AK5: variants seen among roughly 807,000 people sequenced by gnomAD.
The protein encoded by AK5 is adenylate kinase 5.
AK5 carries 27 observed loss-of-function variants against 69.5 expected under a neutral mutation model. That is an observed-to-expected ratio of 0.39 (90% CI 0.29 to 0.54). AK5 has a LOEUF of 0.54. Among genes scored for constraint, AK5 ranks in the 20% least tolerant of loss-of-function variants. The pLI is 0.71. For missense variants in AK5, 531 were observed against 700.4 expected, an observed-to-expected ratio of 0.76 and a Z score of 2.73; for synonymous variants, 260 against 244.4, an observed-to-expected ratio of 1.06 and a Z score of -0.60.
At chr1:77,515,261 A>T (rs1038731431) in intron 10 of AK5, among the ~76,000 whole-genome samples, 1 of 152,162 alleles carries the variant, frequency 6.6e-6, no homozygotes, top group Non-Finnish European at 1.5e-5. Context: ...GAAAACTCAG[A>T]CCTTTCCTGG....
intron 6 of AK5, among the ~76,000 whole-genome samples, chr1:77,389,855 G>A (rs1178955780): frequency 6.6e-6 from 1 of 152,058 alleles, no homozygotes; most frequent in Non-Finnish European, 1.5e-5. Flanking sequence ...CCAGATACTT[G>A]GGAGGCTAAG....
chr1:77,305,888 T>C (rs1332010830), intron 5 of AK5, among the ~76,000 whole-genome samples: 1 of 152,176 alleles, frequency 6.6e-6, no homozygotes, highest in Non-Finnish European at 1.5e-5. Context: ...AGAATGTCAT[T>C]GGTATTTTGT....
At chr1:77,532,780 G>A (rs1222077457) in intron 12 of AK5, among the ~76,000 whole-genome samples, 1 of 152,188 alleles carries the variant, frequency 6.6e-6, no homozygotes, top group Non-Finnish European at 1.5e-5. Flanking sequence ...GCTGGTGCCA[G>A]AGCCCCAGGG....
chr1:77,486,477 C>G, intron 10 of AK5, 125 bp downstream of exon 10: 1 of 573,706 alleles, frequency 1.7e-6, no homozygotes, highest in Non-Finnish European at 3.0e-6. Context: ...GGGCAGATCA[C>G]GAGGTCAGGA....
chr1:77,555,904 AAAG>A (rs1660073357), intron 13 of AK5, among the ~76,000 whole-genome samples: 1 of 152,250 alleles, frequency 6.6e-6, no homozygotes, highest in African/African-American at 2.4e-5. Flanking sequence ...GTTGAAAGGA[AAAG>A]AAGAAAGAAG....
chr1:77,356,722 T>C (rs1396611590), intron 6 of AK5, among the ~76,000 whole-genome samples: 1 of 152,218 alleles, frequency 6.6e-6, no homozygotes, highest in East Asian at 1.9e-4. Context: ...GCCTTGGTAC[T>C]GTCCAGAAGA....
intron 1 of AK5, among the ~76,000 whole-genome samples, chr1:77,286,331 C>A (rs1023670456): frequency 6.7e-6 from 1 of 149,990 alleles, no homozygotes; most frequent in Non-Finnish European, 1.5e-5. Flanking sequence ...CATTTTATCT[C>A]ACTGTGATGA....
intron 6 of AK5, among the ~76,000 whole-genome samples, chr1:77,366,157 G>A (rs1467202576): frequency 6.6e-6 from 1 of 152,110 alleles, no homozygotes; most frequent in Admixed American, 6.6e-5. Context: ...CAAGGGCTAG[G>A]TCTTCTATGC....
chr1:77,477,907 C>A (rs1370092454), intron 8 of AK5, among the ~76,000 whole-genome samples: 3 of 152,180 alleles, frequency 2.0e-5, no homozygotes, highest in African/African-American at 4.8e-5. Flanking sequence ...CCTATTACTT[C>A]TTTCTCCTTC....
chr1:77,520,495 A>G (rs1157557353), intron 11 of AK5, among the ~76,000 whole-genome samples: 1 of 151,918 alleles, frequency 6.6e-6, no homozygotes, highest in East Asian at 1.9e-4. Context: ...GCTCACTCCC[A>G]CCCACCACTA....
At chr1:77,526,948 G>C (rs1299355999) in intron 12 of AK5, among the ~76,000 whole-genome samples, 1 of 151,994 alleles carries the variant, frequency 6.6e-6, no homozygotes, top group African/African-American at 2.4e-5. Flanking sequence ...TTAAAATTGA[G>C]TCTGAAGGCA....
At chr1:77,541,453 G>T (rs1445222489) in intron 13 of AK5, among the ~76,000 whole-genome samples, 2 of 152,180 alleles carry the variant, frequency 1.3e-5, no homozygotes, top group African/African-American at 2.4e-5. Flanking sequence ...TAGAAAACTA[G>T]GTAGTCCCAC....
chr1:77,318,462 A>G (rs145157013), intron 5 of AK5, among the ~76,000 whole-genome samples: 1,850 of 152,310 alleles, frequency 0.012, 20 homozygotes, highest in Middle Eastern at 0.037. Flanking sequence ...GATTCAAATC[A>G]TAACATCAGT....
intron 10 of AK5, among the ~76,000 whole-genome samples, chr1:77,490,535 A>C (rs1207415074): frequency 2.6e-5 from 4 of 152,252 alleles, no homozygotes; most frequent in African/African-American, 7.2e-5. Context: ...TTCAAAAAAC[A>C]AAGAAGGGAT....
intron 5 of AK5, among the ~76,000 whole-genome samples, chr1:77,321,916 A>G (rs1570375542): frequency 1.3e-5 from 2 of 152,188 alleles, no homozygotes; most frequent in East Asian, 3.9e-4. Flanking sequence ...TACCAAAACT[A>G]TTAGTTAAAT....
At chr1:77,491,304 A>ATTTTTTTTTTTTTTTTTT (rs10700619) in intron 10 of AK5, among the ~76,000 whole-genome samples, 1 of 87,368 alleles carries the variant, frequency 1.1e-5, no homozygotes, top group South Asian at 3.5e-4. Context: ...CATGAATTGA[A>ATTTTTTTTTTTTTTTTTT]TTTTTTTTTT....
At chr1:77,443,341 A>G (rs983485281) in intron 8 of AK5, among the ~76,000 whole-genome samples, 1 of 152,208 alleles carries the variant, frequency 6.6e-6, no homozygotes, top group Non-Finnish European at 1.5e-5. Context: ...TGCATCCATT[A>G]CAAACAAGAG....
chr1:77,434,268 C>T (rs989970906), intron 8 of AK5, among the ~76,000 whole-genome samples: 1 of 151,988 alleles, frequency 6.6e-6, no homozygotes, highest in Non-Finnish European at 1.5e-5. Context: ...TTTATATGAT[C>T]TTGGAACATT....
intron 5 of AK5, among the ~76,000 whole-genome samples, chr1:77,299,305 T>C (rs902043586): frequency 8.6e-5 from 13 of 151,732 alleles, no homozygotes; most frequent in Admixed American, 6.5e-4. Context: ...TTTGCCCATT[T>C]TTCTACAGAC....
Sources: gnomAD v4.1 joint callset for allele counts (sites outside exome capture counted in the v4.1 genomes callset) on GRCh38, gnomAD v4.1.1 for gene constraint, MANE v1.5 for transcripts, NCBI Gene and HGNC (gene_info 2026-07-23, HGNC 2026-07-21) for gene names.